Variants in DCDC1 observed in about 807,000 individuals in gnomAD.
DCDC1 encodes doublecortin domain containing 1.
In DCDC1, 200 loss-of-function variants were observed where a neutral mutation model predicts 178.3. The ratio of observed to expected loss-of-function variants is 1.12; its 90% confidence interval spans 1.00 to 1.26. DCDC1 has a LOEUF of 1.26. Ranked by LOEUF, DCDC1 falls within the 50% of genes most tolerant of loss-of-function variation. The pLI is 0.00. For missense variants in DCDC1, 1,983 were observed against 1,749.2 expected, an observed-to-expected ratio of 1.13 and a Z score of -2.38; for synonymous variants, 690 against 604.8, an observed-to-expected ratio of 1.14 and a Z score of -2.07.
chr11:31,155,870 C>T (rs1360201965), intron 9 of DCDC1: 1 of 152,218 alleles, frequency 6.6e-6, no homozygotes, highest in Non-Finnish European at 1.5e-5. Context: ...CATACAGTAT[C>T]TTCATCTTCA....
At chr11:31,325,448 C>A (rs1261464157) in intron 3 of DCDC1, among the ~76,000 whole-genome samples, 1 of 151,944 alleles carries the variant, frequency 6.6e-6, no homozygotes, top group Non-Finnish European at 1.5e-5. Flanking sequence ...GAGGATGAAA[C>A]CTTTGGTATA....
intron 3 of DCDC1, among the ~76,000 whole-genome samples, chr11:31,316,017 G>T (rs1014295278): frequency 1.2e-5 from 1 of 84,530 alleles, no homozygotes; most frequent in African/African-American, 8.3e-5. Flanking sequence ...AGTATTCCAC[G>T]GTGTATATGT....
chr11:31,130,359 T>C (rs1281310903), intron 10 of DCDC1, among the ~76,000 whole-genome samples: 6 of 152,174 alleles, frequency 3.9e-5, no homozygotes, highest in African/African-American at 1.4e-4. Flanking sequence ...GCCAGTGAAA[T>C]ACGAACAGAA....
chr11:31,190,995 C>T (rs1970069830), intron 9 of DCDC1, among the ~76,000 whole-genome samples: 2 of 152,006 alleles, frequency 1.3e-5, no homozygotes, highest in African/African-American at 4.8e-5. Context: ...ATCAATGGTG[C>T]AGTATTTGCA....
At position 30,961,638 on chromosome 11, in the gene DCDC1, G is replaced by A. The variant is rs531765420; in HGVS notation, c.2592-9070C>T. ...AATGAATTTAAAATGGTATGTTTCC[G>A]TAGAAACAGTGAAGAGGATATTATT... is the stretch of plus-strand genomic sequence containing the variant. On this transcript the variant is annotated intron_variant, in intron 20 of 38. Transcript: ENST00000684477. 7.8e-4 allele frequency among the ~76,000 whole-genome samples: 118 copies of A among 152,002 alleles called. 1 individual carries two copies. The highest frequency in any genetic ancestry group is 1.4e-3 in the Non-Finnish European group (92 of 67,942).
chr11:30,904,591 G>A (rs1003835895), intron 31 of DCDC1: 5 of 220,976 alleles, frequency 2.3e-5, no homozygotes, highest in Admixed American at 1.5e-4. Context: ...TGAATGAGGT[G>A]GCATCTCTTG....
intron 7 of DCDC1, among the ~76,000 whole-genome samples, chr11:31,289,405 C>G (rs559645567): frequency 6.6e-6 from 1 of 152,062 alleles, no homozygotes; most frequent in South Asian, 2.1e-4. Context: ...ATATCATAAT[C>G]AAAATCTTCA....
intron 20 of DCDC1, among the ~76,000 whole-genome samples, chr11:31,021,572 C>T (rs1285254503): frequency 6.6e-6 from 1 of 151,988 alleles, no homozygotes; most frequent in Non-Finnish European, 1.5e-5. Flanking sequence ...CTGCAAAGAT[C>T]CACAAGTAAC....
chr11:31,188,811 C>CT (rs2136333695), intron 9 of DCDC1, among the ~76,000 whole-genome samples: 1 of 152,306 alleles, frequency 6.6e-6, no homozygotes, highest in African/African-American at 2.4e-5. Flanking sequence ...GTGCTATGGT[C>CT]TGAAAATGTG....
intron 20 of DCDC1, among the ~76,000 whole-genome samples, chr11:31,058,901 C>T (rs753189705): frequency 1.3e-5 from 2 of 152,002 alleles, no homozygotes; most frequent in Non-Finnish European, 2.9e-5. Flanking sequence ...TCCATATTAT[C>T]CAATCCAGAA....
chr11:30,882,284 T>G (rs1232269988), intron 36 of DCDC1: 1 of 152,178 alleles, frequency 6.6e-6, no homozygotes, highest in Admixed American at 6.6e-5. Context: ...GGCGATGCAG[T>G]TCAAAAAGCG....
At chr11:31,327,496 G>C (rs1047665206) in intron 3 of DCDC1, among the ~76,000 whole-genome samples, 3 of 152,050 alleles carry the variant, frequency 2.0e-5, no homozygotes, top group Admixed American at 1.3e-4. Flanking sequence ...GAACAAAATT[G>C]ATATAATGCA....
chr11:31,007,822 C>G (rs1394489037), intron 20 of DCDC1, among the ~76,000 whole-genome samples: 1 of 151,984 alleles, frequency 6.6e-6, no homozygotes, highest in Admixed American at 6.6e-5. Flanking sequence ...GCCACCACAC[C>G]CAGCTAATTT....
intron 1 of DCDC1, among the ~76,000 whole-genome samples, chr11:31,346,707 G>A (rs1215649799): frequency 2.6e-5 from 4 of 152,022 alleles, no homozygotes; most frequent in Non-Finnish European, 5.9e-5. Context: ...TATAAACCGA[G>A]GTATATGTGA....
chr11:31,367,151 T>C (rs1296568310), intron 1 of DCDC1, among the ~76,000 whole-genome samples: 1 of 151,990 alleles, frequency 6.6e-6, no homozygotes, highest in Non-Finnish European at 1.5e-5. Flanking sequence ...ATACAAACAT[T>C]AGCCAGGCAT....
chr11:31,298,524 G>A (rs572887641), intron 6 of DCDC1, among the ~76,000 whole-genome samples: 5 of 152,164 alleles, frequency 3.3e-5, no homozygotes, highest in East Asian at 3.9e-4. Context: ...TGCCATGTCC[G>A]CCTGACTGTT....
chr11:31,179,875 G>A (rs776177607), intron 9 of DCDC1, among the ~76,000 whole-genome samples: 12 of 152,098 alleles, frequency 7.9e-5, no homozygotes, highest in Non-Finnish European at 1.3e-4. Flanking sequence ...AAACATAGAT[G>A]CAAAAATTCT....
chr11:31,186,417 C>A (rs1969496942), intron 9 of DCDC1, among the ~76,000 whole-genome samples: 1 of 152,232 alleles, frequency 6.6e-6, no homozygotes, highest in South Asian at 2.1e-4. Flanking sequence ...CACTGTATAA[C>A]TTAACTGTAC....
chr11:31,330,470 C>T lies in DCDC1; in HGVS notation c.-6-2184G>A, dbSNP rs529979652. 8.5e-5 allele frequency among the ~76,000 whole-genome samples: 13 copies of T among 152,266 alleles called. 1 individual carries two copies. In the East Asian group the frequency reaches 2.5e-3, roughly 29 times the overall value. ...TGGTGTTTTAGTCATGAAGTCCTTG[C>T]CCATGCCTATGTCCTGAATGGTATT... On this transcript the variant is annotated intron_variant, in intron 2 of 38. Transcript: ENST00000684477.
Sources: allele counts gnomAD v4.1 joint callset (sites outside exome capture counted in the v4.1 genomes callset), GRCh38; gene constraint gnomAD v4.1.1; transcripts MANE v1.5; gene names NCBI Gene and HGNC (gene_info 2026-07-23, HGNC 2026-07-21).